The following RBFOX3 variants were observed in gnomAD, a reference collection of about 807,000 sequenced individuals.
The protein encoded by RBFOX3 is RNA binding protein fox-1 homolog 3.
RBFOX3 carries 17 observed loss-of-function variants against 48.7 expected under a neutral mutation model. That is an observed-to-expected ratio of 0.35 (90% CI 0.24 to 0.52). The LOEUF is 0.52. RBFOX3 is among the 20% of genes least tolerant of loss of function. RBFOX3 has a pLI of 0.94. For synonymous variants in RBFOX3, 212 were observed against 209.5 expected (o/e 1.01, Z -0.10); for missense variants, 382 against 497.5 (o/e 0.77, Z 2.21).
At chr17:79,558,099 A>G (rs1393614317) in intron 1 of RBFOX3, among the ~76,000 whole-genome samples, 2 of 152,160 alleles carry the variant, frequency 1.3e-5, no homozygotes, top group Non-Finnish European at 2.9e-5. Context: ...TCAGATCATC[A>G]CGAGGTCCAT....
chr17:79,097,491 GTACACCT>G, intron 10 of RBFOX3, 67 bp from the exon 11 acceptor site: 2 of 1,256,604 alleles, frequency 1.6e-6, no homozygotes, highest in East Asian at 3.3e-5. Context: ...CCCCCTCCCC[GTACACCT>G]AGCCCCCCCG....
At chr17:79,130,521 C>T (rs972050830) in intron 4 of RBFOX3, among the ~76,000 whole-genome samples, 1 of 152,252 alleles carries the variant, frequency 6.6e-6, no homozygotes, top group African/African-American at 2.4e-5. Context: ...ATGTCCCCAC[C>T]CTCTTTCTCT....
chr17:79,096,630 C>T, intron 12 of RBFOX3, 23 bp downstream of exon 12: 1 of 1,503,724 alleles, frequency 6.7e-7, no homozygotes, highest in Non-Finnish European at 9.1e-7. Flanking sequence ...TCCCACCCTC[C>T]CTCCCGGCGG....
At chr17:79,135,779 C>G (rs2040046742) in intron 4 of RBFOX3, among the ~76,000 whole-genome samples, 2 of 152,222 alleles carry the variant, frequency 1.3e-5, no homozygotes, top group South Asian at 2.1e-4. Flanking sequence ...TCTGCTGTGG[C>G]TAAGACAGCA....
intron 1 of RBFOX3, among the ~76,000 whole-genome samples, chr17:79,608,985 C>G (rs2093906563): frequency 6.6e-6 from 1 of 151,820 alleles, no homozygotes; most frequent in African/African-American, 2.4e-5. Flanking sequence ...CTGGGGCGCC[C>G]CTGCAAGAGG....
intron 1 of RBFOX3, among the ~76,000 whole-genome samples, chr17:79,605,231 A>T (rs2093799448): frequency 6.6e-6 from 1 of 152,158 alleles, no homozygotes; most frequent in Non-Finnish European, 1.5e-5. Context: ...GCAAGACAAG[A>T]TGCCTTGGCA....
chr17:79,275,460 C>T (rs1190952496), intron 3 of RBFOX3, among the ~76,000 whole-genome samples: 2 of 152,198 alleles, frequency 1.3e-5, no homozygotes, highest in East Asian at 3.9e-4. Context: ...GGTCCCCCCC[C>T]AACCTCCAAG....
chr17:79,638,366 G>A, the RBFOX3 span, among the ~76,000 whole-genome samples: 1 of 148,658 alleles, frequency 6.7e-6, no homozygotes, highest in Admixed American at 6.7e-5. Flanking sequence ...AAGAAAGAGA[G>A]AAGGCTCAAA....
chr17:79,246,940 A>G (rs2063255311), intron 3 of RBFOX3, among the ~76,000 whole-genome samples: 1 of 152,212 alleles, frequency 6.6e-6, no homozygotes, highest in East Asian at 1.9e-4. Flanking sequence ...CTCAGCACGC[A>G]GGCAGCTGGA....
chr17:79,435,778 TG>T (rs1319477734), intron 2 of RBFOX3, among the ~76,000 whole-genome samples: 1 of 152,182 alleles, frequency 6.6e-6, no homozygotes, highest in Non-Finnish European at 1.5e-5. Context: ...TTATCAGTGG[TG>T]TGTGGCTTAT....
chr17:79,496,319 A>G lies in RBFOX3; in HGVS notation c.-319-13721T>C, dbSNP rs1011646150. Among the ~76,000 whole-genome samples, 10 of 152,188 alleles carry G rather than the reference A, an allele frequency of 6.6e-5. No homozygotes were observed. In the South Asian group the frequency reaches 1.0e-3, roughly 16 times the overall value. On this transcript the variant is annotated intron_variant, in intron 1 of 14. Transcript: ENST00000693108. ...CCCCCCACCTGGCCCTGAGACCTCC[A>G]TCTCTGCCCACGGTCTGGCTGCATC... is the stretch of plus-strand genomic sequence containing the variant.
chr17:79,389,382 G>A (rs949194773), intron 2 of RBFOX3, among the ~76,000 whole-genome samples: 2 of 152,186 alleles, frequency 1.3e-5, no homozygotes, highest in Non-Finnish European at 1.5e-5. Context: ...CCCCTTTCTG[G>A]ACTTTTGACT....
intron 2 of RBFOX3, among the ~76,000 whole-genome samples, chr17:79,313,964 C>T (rs576021569): frequency 3.9e-5 from 6 of 152,294 alleles, no homozygotes; most frequent in Admixed American, 2.0e-4. Flanking sequence ...GGCTCTTGCC[C>T]GCAACTGCTG....
chr17:79,440,524 G>A (rs4790041), intron 2 of RBFOX3, among the ~76,000 whole-genome samples: 22,722 of 152,104 alleles, frequency 0.15, 1,995 homozygotes, highest in South Asian at 0.19. Flanking sequence ...AGGGAGCTCC[G>A]TGACAGCCTC....
Position 79,103,342 on chromosome 17 carries a change from A to T in RBFOX3, c.415-88T>A. On this transcript the variant is annotated intron_variant, in intron 7 of 14. Coordinates refer to ENST00000693108, the MANE Select transcript of RBFOX3 (RefSeq NM_001350451.2). The surrounding 1 kb of genome is among the most constrained non-coding windows in gnomAD (Gnocchi z 6.1). The stretch of plus-strand genomic sequence containing the variant: ...GAAGACGAGGAAGAAGAGGAGTGGG[A>T]GGGGGGCAGGGGAGTGGGGAGAGAG... The T allele has an allele frequency of 9.0e-5, 46 of 510,560 alleles. No individual in the cohort carries two copies. Among genetic ancestry groups the T allele is most frequent in the Non-Finnish European group, 1.2e-4 (34 of 282,514 alleles). The allele number at this position is 510,560 out of a possible 1,614,324, so 31.6% of individuals were successfully genotyped here.
chr17:79,440,413 C>T (rs1310109147), intron 2 of RBFOX3, among the ~76,000 whole-genome samples: 5 of 152,266 alleles, frequency 3.3e-5, no homozygotes, highest in South Asian at 2.1e-4. Context: ...GAGTGACTTG[C>T]CTGATCTCCT....
At chr17:79,259,207 C>T (rs1384033439) in intron 3 of RBFOX3, among the ~76,000 whole-genome samples, 1 of 152,260 alleles carries the variant, frequency 6.6e-6, no homozygotes, top group Admixed American at 6.5e-5. Flanking sequence ...ACCCAATACG[C>T]AGCTGGTGTC....
intron 10 of RBFOX3, 109 bp downstream of exon 10, chr17:79,097,583 G>C: frequency 7.0e-7 from 1 of 1,438,052 alleles, no homozygotes; most frequent in Non-Finnish European, 9.3e-7. Flanking sequence ...CGGGAGGGCG[G>C]GGACGGCCCA....
At chr17:79,101,163 C>T (rs2076360642) in intron 9 of RBFOX3, among the ~76,000 whole-genome samples, 3 of 152,290 alleles carry the variant, frequency 2.0e-5, no homozygotes, top group South Asian at 4.1e-4. Context: ...CCCCCGTGCC[C>T]TCACTGCCCT....
Sources: allele counts gnomAD v4.1 joint callset (sites outside exome capture counted in the v4.1 genomes callset), GRCh38; gene constraint gnomAD v4.1.1; non-coding constraint Gnocchi (gnomAD v3.1); transcripts MANE v1.5; gene names NCBI Gene and HGNC (gene_info 2026-07-23, HGNC 2026-07-21).